CFAP251: variants seen among roughly 807,000 people sequenced by gnomAD.
The protein encoded by CFAP251 is cilia- and flagella-associated protein 251.
Under a neutral mutation model 126.7 loss-of-function variants are expected in CFAP251, and 93 were observed. That is an observed-to-expected ratio of 0.73 (90% CI 0.62 to 0.87). The LOEUF (loss-of-function observed/expected upper bound fraction) is 0.87. CFAP251 is among the 40% of genes least tolerant of loss of function. CFAP251 has a pLI of 0.00. For synonymous variants in CFAP251, 503 were observed against 506.9 expected, an observed-to-expected ratio of 0.99 and a Z score of 0.10; for missense variants, 1,287 against 1,389.2, an observed-to-expected ratio of 0.93 and a Z score of 1.17.
At chr12:121,927,783 G>C (rs191969949) in intron 3 of CFAP251, among the ~76,000 whole-genome samples, 23 of 152,072 alleles carry the variant, frequency 1.5e-4, no homozygotes, top group Non-Finnish European at 3.2e-4. Context: ...CATTGTTCAC[G>C]GTAAATAGAC....
Position 121,954,356 on chromosome 12 carries a change from G to T in CFAP251, c.1535+22G>T, listed in dbSNP as rs779047066. The T allele has an allele frequency of 1.1e-5, 17 of 1,558,728 alleles. No individual in the cohort carries two copies. In the South Asian group the frequency reaches 1.9e-4, roughly 17 times the overall value. On this transcript the variant is annotated intron_variant, in intron 10 of 21. Coordinates refer to ENST00000288912, the MANE Select transcript of CFAP251 (RefSeq NM_144668.6). ...ATAGGTAATTTTAACTTAATTAAAA[G>T]ATAACTATGGATAATTATAAAAATA...
chr12:121,931,825 A>G lies in CFAP251; in HGVS notation c.827A>G (p.Tyr276Cys), dbSNP rs1380640665. 8 of 1,606,422 alleles carry G rather than the reference A, an allele frequency of 5.0e-6. No homozygotes were observed. The highest frequency in any genetic ancestry group is 2.3e-5 in the East Asian group (1 of 44,198). The change falls in exon 4 of 22, where the codon TAT becomes TGT. Residue 276 changes from tyrosine (Y) to cysteine (C), a missense_variant. Transcript: ENST00000288912. ...IREERQRVLL[Y>C]VCAHTAIIYN... is the part of the protein sequence containing the mutation. ...GAGGAAAGGCAGAGAGTTCTTCTGTATGTTTGTGCTCACACTGCGATCATC... is the reference window on the plus strand; with the variant it reads ...GAGGAAAGGCAGAGAGTTCTTCTGTGTGTTTGTGCTCACACTGCGATCATC...
rs1349026595 is a variant in CFAP251, at chr12:121,961,966, G to A, written c.2308-12G>A. The A allele has an allele frequency of 1.2e-6, 2 of 1,610,940 alleles. No homozygotes were observed. The highest frequency in any genetic ancestry group is 1.7e-6 in the Non-Finnish European group (2 of 1,179,032). On this transcript the variant is annotated splice_polypyrimidine_tract_variant and intron_variant, in intron 14 of 21. Coordinates refer to ENST00000288912, the MANE Select transcript of CFAP251 (RefSeq NM_144668.6). The stretch of plus-strand genomic sequence containing the variant: ...TTGGTCCTCATGTGTGTCCATCTGG[G>A]CTCCTCTGCAGATAGAGTATGATCT...
intron 15 of CFAP251, among the ~76,000 whole-genome samples, chr12:121,963,309 T>C (rs1882010016): frequency 6.6e-6 from 1 of 152,038 alleles, no homozygotes; most frequent in African/African-American, 2.4e-5. Context: ...GGACTGGACC[T>C]TTAAAGAGAT....
chr12:121,919,518 T>C (rs933195166), intron 1 of CFAP251, among the ~76,000 whole-genome samples: 4 of 152,210 alleles, frequency 2.6e-5, no homozygotes, highest in African/African-American at 9.6e-5. Context: ...GAGCATTTTA[T>C]ATATGTTATC....
At chr12:121,992,358 T>C in intron 19 of CFAP251, 1 of 985,382 alleles carries the variant, frequency 1.0e-6, no homozygotes, top group Non-Finnish European at 1.2e-6. Context: ...TGTTGAGTAG[T>C]GATTCTTGAT....
intron 3 of CFAP251, among the ~76,000 whole-genome samples, chr12:121,926,189 G>C (rs1049106113): frequency 1.3e-5 from 2 of 151,918 alleles, no homozygotes; most frequent in East Asian, 3.9e-4. Context: ...GAGCCCTGCT[G>C]TGTTGCCCAG....
In CFAP251 at chr12:121,928,598, T is replaced by A. The variant is rs555983000; in HGVS notation, c.748-3148T>A. ...TCAGCACTCTACTGCATTTGATTAC[T>A]TGACCCTAGATAATTTTATGTATAT... On this transcript the variant is annotated intron_variant, in intron 3 of 21. Coordinates refer to ENST00000288912, the MANE Select transcript of CFAP251 (RefSeq NM_144668.6). Among the ~76,000 whole-genome samples, 4 of 145,862 alleles carry A rather than the reference T, an allele frequency of 2.7e-5. No homozygotes were observed. The East Asian group carries it at 8.0e-4, about 29-fold the overall frequency.
chr12:121,930,022 G>T (rs533118527), intron 3 of CFAP251, among the ~76,000 whole-genome samples: 1 of 151,892 alleles, frequency 6.6e-6, no homozygotes, highest in Non-Finnish European at 1.5e-5. Flanking sequence ...TTTCTAGAAA[G>T]TCATAGTTGG....
intron 13 of CFAP251, 82 bp downstream of exon 13, chr12:121,959,176 C>G (rs1881838913): frequency 7.3e-7 from 1 of 1,367,256 alleles, no homozygotes; most frequent in Non-Finnish European, 9.9e-7. Context: ...GTAGCTAACA[C>G]CTGTAATCCC....
At chr12:121,939,556 A>ACT (rs1158987506) in intron 5 of CFAP251, among the ~76,000 whole-genome samples, 1 of 150,030 alleles carries the variant, frequency 6.7e-6, no homozygotes, top group Non-Finnish European at 1.5e-5. Flanking sequence ...TATTTGTGAA[A>ACT]CTCTCTCTCT....
chr12:121,920,615 C>A (rs1044002989), intron 1 of CFAP251, among the ~76,000 whole-genome samples: 2 of 152,116 alleles, frequency 1.3e-5, no homozygotes, highest in African/African-American at 4.8e-5. Flanking sequence ...CCAGGATGGT[C>A]TCGATCTCCT....
At chr12:121,940,393 G>A (rs1324783287) in intron 5 of CFAP251, among the ~76,000 whole-genome samples, 4 of 152,148 alleles carry the variant, frequency 2.6e-5, no homozygotes, top group Non-Finnish European at 5.9e-5. Flanking sequence ...CTTCTCAGTA[G>A]GATGAAGTTT....
At chr12:121,964,098 T>C (rs992761322) in intron 15 of CFAP251, among the ~76,000 whole-genome samples, 1 of 152,062 alleles carries the variant, frequency 6.6e-6, no homozygotes, top group African/African-American at 2.4e-5. Context: ...GGTTTTGAAA[T>C]GTATCTCAGA....
chr12:121,975,764 C>G, intron 19 of CFAP251, 79 bp downstream of exon 19: 1 of 1,461,286 alleles, frequency 6.8e-7, no homozygotes, highest in South Asian at 1.5e-5. Flanking sequence ...CATTATAGGT[C>G]AAAGCAAAAA....
chr12:121,982,394 T>G (rs1303159669), intron 19 of CFAP251, among the ~76,000 whole-genome samples: 1 of 151,764 alleles, frequency 6.6e-6, no homozygotes, highest in East Asian at 1.9e-4. Context: ...TTTTTTTTTT[T>G]TTGAGACGGA....
At chr12:121,999,578 CTTT>C in intron 19 of CFAP251, 135 bp from the exon 20 acceptor site, 1 of 622,832 alleles carries the variant, frequency 1.6e-6, no homozygotes, top group Non-Finnish European at 2.7e-6. Context: ...TCAAGTGATC[CTTT>C]GGCCACGGCC....
At chr12:121,927,861 A>G (rs184387847) in intron 3 of CFAP251, among the ~76,000 whole-genome samples, 23 of 152,356 alleles carry the variant, frequency 1.5e-4, no homozygotes, top group African/African-American at 5.5e-4. Context: ...GAATCTTATG[A>G]ATATCAAATA....
At position 121,921,551 on chromosome 12, in the gene CFAP251, A is replaced by G; in HGVS notation, c.246A>G (p.Gly82=). Residue 82 remains glycine, a synonymous_variant, in exon 2 of 22, where the codon GGA becomes GGG. Coordinates refer to ENST00000288912, the MANE Select transcript of CFAP251 (RefSeq NM_144668.6). ...TGGAAGAAACTGAGGAAAAGGCTGG[A>G]GAAGTCCAAGAGAAGGAGGCTTCAG... ...IVMEETEEKA[G]EVQEKEASGI... 1 of 1,613,976 alleles carries G rather than the reference A, an allele frequency of 6.2e-7. No homozygotes were observed. Among genetic ancestry groups the G allele is most frequent in the Non-Finnish European group, 8.5e-7 (1 of 1,179,964 alleles).
Sources: gnomAD v4.1 joint callset for allele counts (sites outside exome capture counted in the v4.1 genomes callset) on GRCh38, gnomAD v4.1.1 for gene constraint, MANE v1.5 for transcripts, NCBI Gene and HGNC (gene_info 2026-07-23, HGNC 2026-07-21) for gene names.